NDUFS2: variants seen among roughly 807,000 people sequenced by gnomAD.
NDUFS2 encodes NADH:ubiquinone oxidoreductase core subunit S2.
Under a neutral mutation model 69.6 loss-of-function variants are expected in NDUFS2, and 38 were observed. That is an observed-to-expected ratio of 0.55 (90% CI 0.42 to 0.72). The LOEUF (loss-of-function observed/expected upper bound fraction) is 0.72, where lower values mean the gene tolerates loss of function less well. Among genes scored for constraint, NDUFS2 ranks in the 30% least tolerant of loss-of-function variants. The probability of loss-of-function intolerance (pLI) is 0.00; values close to 1 mark genes in which losing one functional copy is unlikely to be tolerated. For synonymous variants in NDUFS2, 194 were observed against 211.2 expected, an observed-to-expected ratio of 0.92 and a Z score of 0.70; for missense variants, 468 against 595.0, an observed-to-expected ratio of 0.79 and a Z score of 2.22.
chr1:161,206,728 G>A, intron 3 of NDUFS2, 131 bp downstream of exon 3: 1 of 969,180 alleles, frequency 1.0e-6, no homozygotes, highest in Non-Finnish European at 1.5e-6. Context: ...GATTACTCTT[G>A]GTTGGGTGGA....
At chr1:161,212,557 T>A (rs1182044186) in intron 10 of NDUFS2, 77 bp downstream of exon 10, 2 of 1,565,176 alleles carry the variant, frequency 1.3e-6, no homozygotes, top group Admixed American at 1.8e-5. Context: ...TTGGATTAAA[T>A]CCTATCTTTT....
chr1:161,213,461 A>G lies in NDUFS2; in HGVS notation c.1198A>G (p.Ile400Val), dbSNP rs1159898067. The change falls in exon 11 of 14, where the codon ATT becomes GTT. Residue 400 changes from isoleucine to valine, a missense_variant. By Grantham distance (29) the Ile-to-Val change is conservative. Coordinates refer to ENST00000676972, the MANE Select transcript of NDUFS2 (RefSeq NM_001377299.1). Reference protein sequence around the residue: ...QVPPGATYTAIEAPKGEFGVY... With the variant: ...QVPPGATYTAVEAPKGEFGVY... ...TCCTCCAGGAGCCACATATACTGCC[A>G]TTGAGGCTCCCAAGGTAAGGAGAGG... The G allele has an allele frequency of 6.2e-7, 1 of 1,610,106 alleles. No homozygotes were observed. Among genetic ancestry groups the G allele is most frequent in the Non-Finnish European group, 8.5e-7 (1 of 1,177,440 alleles).
At chr1:161,208,594 C>T (rs571688313) in intron 3 of NDUFS2, among the ~76,000 whole-genome samples, 16 of 152,366 alleles carry the variant, frequency 1.1e-4, no homozygotes, top group Admixed American at 2.6e-4. Flanking sequence ...GCCACGTGCC[C>T]GGCCAAGGAC....
chr1:161,209,972 C>G, intron 6 of NDUFS2, 41 bp downstream of exon 6: 1 of 1,611,894 alleles, frequency 6.2e-7, no homozygotes, highest in Non-Finnish European at 8.5e-7. Flanking sequence ...CAGCCCAGGC[C>G]TATTTTCCCT....
At chr1:161,206,218 C>T (rs1161341267) in intron 2 of NDUFS2, among the ~76,000 whole-genome samples, 189 bp from the exon 3 acceptor site, 1 of 151,898 alleles carries the variant, frequency 6.6e-6, no homozygotes, top group Non-Finnish European at 1.5e-5. Context: ...TGATGTCTGT[C>T]ATCAGAAAGT....
In NDUFS2 at chr1:161,212,979, T is replaced by G. The variant is rs1312160425; in HGVS notation, c.1117-401T>G. On this transcript the variant is annotated intron_variant, in intron 10 of 13. Transcript: ENST00000676972. ...GAGTACAGTGGCATGATCTTGGCTC[T>G]CTGCAACCACTGTCTCCTGGGTTCA... The G allele has an allele frequency of 1.4e-5, 4 of 292,158 alleles. No homozygotes were observed. The East Asian group carries it at 3.6e-4, about 26-fold the overall frequency. 18.1% of individuals were successfully genotyped at this position (292,158 alleles called of 1,614,324 possible).
chr1:161,203,357 G>A (rs141150425), intron 1 of NDUFS2, 80 bp from the exon 2 acceptor site: 3 of 1,213,254 alleles, frequency 2.5e-6, no homozygotes, highest in African/African-American at 3.0e-5. Flanking sequence ...TCCTTCCTGG[G>A]TCCCCTTGAG....
chr1:161,203,513 A>G lies in NDUFS2; in HGVS notation c.172A>G (p.Thr58Ala). The G allele has an allele frequency of 6.2e-7, 1 of 1,613,896 alleles. No individual in the cohort carries two copies. Among genetic ancestry groups the G allele is most frequent in the Non-Finnish European group, 8.5e-7 (1 of 1,179,998 alleles). ...AGCTGTTATGTACCCAAGCAAAGAA[A>G]CAGCCCACTGGAAGCCTCCACCTTG... ...GGAVMYPSKE[T>A]AHWKPPPWND... is the part of the protein sequence containing the mutation. Residue 58 changes from threonine (T) to alanine (A), a missense_variant, in exon 2 of 14, where the codon ACA becomes GCA. Coordinates refer to ENST00000676972, the MANE Select transcript of NDUFS2 (RefSeq NM_001377299.1).
rs886045461 is a variant in NDUFS2, at chr1:161,210,591, T to C, written c.867T>C (p.Ser289=). ...CTTATTCCCATTATGCTCTCCACAGTGGAGTGATGCTTCGGGGCTCAGGCA... is the reference window on the plus strand; with the variant it reads ...CTTATTCCCATTATGCTCTCCACAGCGGAGTGATGCTTCGGGGCTCAGGCA... ...TAEEALNYGF[S]GVMLRGSGIQ... Residue 289 remains serine, a splice_region_variant and synonymous_variant, in exon 9 of 14, where the codon AGT becomes AGC. Coordinates refer to ENST00000676972, the MANE Select transcript of NDUFS2 (RefSeq NM_001377299.1). 1 of 1,614,122 alleles carries C rather than the reference T, an allele frequency of 6.2e-7. No individual in the cohort carries two copies. The highest frequency in any genetic ancestry group is 8.5e-7 in the Non-Finnish European group (1 of 1,180,010).
chr1:161,207,920 CT>C (rs2102041594), intron 3 of NDUFS2, among the ~76,000 whole-genome samples: 1 of 148,364 alleles, frequency 6.7e-6, no homozygotes, highest in East Asian at 2.0e-4. Flanking sequence ...TTAAGCAATT[CT>C]GTTTCAGCCC....
rs960785557 is a variant in NDUFS2 at position 161,212,207 on chromosome 1, C to T, written c.987-144C>T. 4.8e-6 allele frequency: 5 copies of T among 1,045,528 alleles called. No homozygotes were observed. In the East Asian group the frequency reaches 7.7e-5, roughly 16 times the overall value. 64.8% of individuals were successfully genotyped at this position (1,045,528 alleles called of 1,614,324 possible). A position where few individuals can be genotyped will look rare whatever the true frequency, so the allele number is the denominator to read the frequency against. Reference sequence around the variant, plus strand: ...AAGACTACAGGGTTTATATGGGTGGCCAAGCCAAGCAGAGATGCTGTACTT... The same window carrying T: ...AAGACTACAGGGTTTATATGGGTGGTCAAGCCAAGCAGAGATGCTGTACTT... On this transcript the variant is annotated intron_variant, in intron 9 of 13. Coordinates refer to ENST00000676972, the MANE Select transcript of NDUFS2 (RefSeq NM_001377299.1).
chr1:161,201,729 C>G (rs1307674602), upstream of NDUFS2, among the ~76,000 whole-genome samples: 1 of 152,186 alleles, frequency 6.6e-6, no homozygotes, highest in Non-Finnish European at 1.5e-5. Context: ...TCCACTCCCC[C>G]ATCTGGGATG....
rs749561026 is a variant in NDUFS2 at position 161,210,377 on chromosome 1, A to G, written c.854A>G (p.Asn285Ser). The G allele has an allele frequency of 1.2e-6, 2 of 1,613,816 alleles. No individual in the cohort carries two copies. The highest frequency in any genetic ancestry group is 1.7e-6 in the Non-Finnish European group (2 of 1,179,780). ...IGVVTAEEALNYGFSGVMLRG... is the reference protein window; with the variant it reads ...IGVVTAEEALSYGFSGVMLRG... Reference sequence around the variant, plus strand: ...GTTGTAACAGCAGAAGAAGCACTTAACTATGGTTTTAGGTGAGGGGAATAC... The same window carrying G: ...GTTGTAACAGCAGAAGAAGCACTTAGCTATGGTTTTAGGTGAGGGGAATAC... The change falls in exon 8 of 14, where the codon AAC becomes AGC. Residue 285 changes from asparagine (N) to serine (S), a missense_variant. By Grantham distance (46) the Asn-to-Ser change is conservative (BLOSUM62 1). Coordinates refer to ENST00000676972, the MANE Select transcript of NDUFS2 (RefSeq NM_001377299.1).
intron 11 of NDUFS2, 79 bp from the exon 12 acceptor site, chr1:161,213,570 C>T: frequency 6.5e-7 from 1 of 1,548,116 alleles, no homozygotes. Context: ...AGAGAGAAAA[C>T]AGAATGAATA....
chr1:161,207,478 C>G (rs1290983841), intron 3 of NDUFS2, among the ~76,000 whole-genome samples: 1 of 152,156 alleles, frequency 6.6e-6, no homozygotes, highest in African/African-American at 2.4e-5. Flanking sequence ...ATACCTCACT[C>G]TGGCCGGGCT....
Position 161,214,215 on chromosome 1 carries a change from C to T in NDUFS2, c.*22C>T, listed in dbSNP as rs1471370568. 1 of 1,601,902 alleles carries T rather than the reference C, an allele frequency of 6.2e-7. No individual in the cohort carries two copies. Among genetic ancestry groups the T allele is most frequent in the Admixed American group, 1.7e-5 (1 of 59,956 alleles). Reference sequence around the variant, plus strand: ...GTGAGCAGGGGAGCAGCGTTTGATCCCCCCTGCCTATCAGCTTCTTCTGTG... The same window carrying T: ...GTGAGCAGGGGAGCAGCGTTTGATCTCCCCTGCCTATCAGCTTCTTCTGTG... On this transcript the variant is annotated 3_prime_UTR_variant, in exon 14 of 14. Transcript: ENST00000676972.
chr1:161,204,897 A>G (rs1246082626), intron 2 of NDUFS2, among the ~76,000 whole-genome samples: 1 of 152,172 alleles, frequency 6.6e-6, no homozygotes, highest in East Asian at 1.9e-4. Flanking sequence ...CTAAAAATAC[A>G]GAAATTAGCC....
At chr1:161,198,234 TGGTGCCAGTCAGGTA>T, upstream of NDUFS2, 1 of 1,614,128 alleles carries the variant, frequency 6.2e-7, no homozygotes, top group Non-Finnish European at 8.5e-7. The surrounding 1 kb of genome is among the most constrained non-coding windows in gnomAD (Gnocchi z 4.7). Flanking sequence ...TCTCCATTGA[TGGTGCCAGTCAGGTA>T]GGTGCCAGGC....
chr1:161,208,395 G>A (rs1267520373), intron 3 of NDUFS2, among the ~76,000 whole-genome samples: 1 of 151,848 alleles, frequency 6.6e-6, no homozygotes, highest in Non-Finnish European at 1.5e-5. Flanking sequence ...CTGCTTCCTG[G>A]GTTCAAGTGA....
Sources: gnomAD v4.1 joint callset for allele counts (sites outside exome capture counted in the v4.1 genomes callset) on GRCh38, gnomAD v4.1.1 for gene constraint, Gnocchi (gnomAD v3.1) non-coding constraint, MANE v1.5 for transcripts, NCBI Gene and HGNC (gene_info 2026-07-23, HGNC 2026-07-21) for gene names.